CACNA1B: variants seen among roughly 807,000 people sequenced by gnomAD.
CACNA1B encodes calcium voltage-gated channel subunit alpha1 B, also known as voltage-dependent N-type calcium channel subunit alpha-1B.
A neutral mutation model predicts 247.2 loss-of-function variants in CACNA1B; 70 were observed. The ratio of observed to expected loss-of-function variants is 0.28; its 90% CI spans 0.23 to 0.35. The LOEUF (loss-of-function observed/expected upper bound fraction) is 0.35, where lower values mean the gene tolerates loss of function less well. Ranked by LOEUF, CACNA1B falls within the 10% of genes least tolerant of loss-of-function variation. CACNA1B has a pLI of 1.00. For synonymous variants in CACNA1B, 1,231 were observed against 1,294.4 expected (o/e 0.95, Z 1.05); for missense variants, 2,367 against 3,197.4 (o/e 0.74, Z 6.26).
chr9:138,117,087 T>C (rs1961893261), intron 42 of CACNA1B, among the ~76,000 whole-genome samples: 2 of 152,252 alleles, frequency 1.3e-5, no homozygotes, highest in Admixed American at 1.3e-4. Context: ...TCTTCAGTGT[T>C]TCACTGAATG....
At chr9:138,062,401 G>A (rs1959757774) in intron 31 of CACNA1B, among the ~76,000 whole-genome samples, 1 of 152,166 alleles carries the variant, frequency 6.6e-6, no homozygotes, top group Admixed American at 6.5e-5. Context: ...GGACGTCATT[G>A]GTCAACAGAG....
In CACNA1B at chr9:138,054,793, C is replaced by T. The variant is rs374651850; in HGVS notation, c.3968+787C>T. Among the ~76,000 whole-genome samples the T allele has an allele frequency of 1.3e-5, 2 of 152,204 alleles. No individual in the cohort carries two copies. Among genetic ancestry groups the T allele is most frequent in the East Asian group, 1.9e-4 (1 of 5,196 alleles). ...CACTCTCTCCAGCGTAGATGAGAGC[C>T]CCACATCCTAGCTAAATCTTGGTGT... On this transcript the variant is annotated intron_variant, in intron 26 of 46. Transcript: ENST00000371372. This position sits in a 1 kb window ranked among gnomAD's most constrained non-coding sequence, Gnocchi z 4.6.
At chr9:137,992,191 G>C (rs1020635405) in intron 15 of CACNA1B, among the ~76,000 whole-genome samples, 1 of 152,100 alleles carries the variant, frequency 6.6e-6, no homozygotes. Flanking sequence ...TGCTGTCTTC[G>C]GGAGACTCAC....
chr9:138,112,381 C>T lies in CACNA1B; in HGVS notation c.5429-17C>T. On this transcript the variant is annotated splice_polypyrimidine_tract_variant and intron_variant, in intron 39 of 46. Transcript: ENST00000371372. ...CATCTCTGTCTTTTCCCCTTCCCCA[C>T]CATCATCCTGGTGCAGCTGGGACAA... The T allele has an allele frequency of 1.9e-6, 3 of 1,591,066 alleles. No homozygotes were observed. Among genetic ancestry groups the T allele is most frequent in the East Asian group, 2.2e-5 (1 of 44,760 alleles).
At chr9:138,038,353 C>T (rs1959072812) in intron 20 of CACNA1B, among the ~76,000 whole-genome samples, 1 of 152,246 alleles carries the variant, frequency 6.6e-6, no homozygotes, top group Admixed American at 6.5e-5. Context: ...CTTCCTGTCC[C>T]CGATCTGGAA....
rs1259169807 is a variant in CACNA1B, at chr9:137,950,684, T to C, written c.967-1590T>C. On this transcript the variant is annotated intron_variant, in intron 6 of 46. Coordinates refer to ENST00000371372, the MANE Select transcript of CACNA1B (RefSeq NM_000718.4). This position sits in a 1 kb window ranked among gnomAD's most constrained non-coding sequence, Gnocchi z 4.8. Reference sequence around the variant, plus strand: ...CTTTTGCTGGTACTTTTTTTGGTCGTCTGTGCCCCTTGGGCATTTCCAAAT... The same window carrying C: ...CTTTTGCTGGTACTTTTTTTGGTCGCCTGTGCCCCTTGGGCATTTCCAAAT... Among the ~76,000 whole-genome samples, 1 of 152,194 alleles carries C rather than the reference T, an allele frequency of 6.6e-6. No individual in the cohort carries two copies. The highest frequency in any genetic ancestry group is 1.5e-5 in the Non-Finnish European group (1 of 68,036).
chr9:138,079,780 C>A (rs948050584), intron 36 of CACNA1B, among the ~76,000 whole-genome samples: 3 of 137,930 alleles, frequency 2.2e-5, no homozygotes, highest in South Asian at 2.3e-4. Context: ...GAGGCTGAGA[C>A]AGGAGACTCG....
chr9:137,989,714 G>C (rs2133386969), intron 15 of CACNA1B, among the ~76,000 whole-genome samples: 1 of 152,240 alleles, frequency 6.6e-6, no homozygotes, highest in African/African-American at 2.4e-5. Context: ...TTAAGCGTGA[G>C]GGCAGAGCTA....
At chr9:137,938,946 C>T (rs1353562589) in intron 6 of CACNA1B, among the ~76,000 whole-genome samples, 1 of 152,084 alleles carries the variant, frequency 6.6e-6, no homozygotes, top group East Asian at 1.9e-4. Context: ...TGGCAGGCTC[C>T]TGTAATCTCA....
chr9:138,059,556 C>A lies in CACNA1B; in HGVS notation c.4585-98C>A. On this transcript the variant is annotated intron_variant, in intron 30 of 46. Transcript: ENST00000371372. The surrounding 1 kb of genome is among the most constrained non-coding windows in gnomAD (Gnocchi z 4.2). ...TGCCCTGTGCTCAGGGTCTATCACCCTCACCGCTTTCTTAATCAGGGCCAC... is the reference window on the plus strand; with the variant it reads ...TGCCCTGTGCTCAGGGTCTATCACCATCACCGCTTTCTTAATCAGGGCCAC... 1.3e-6 allele frequency: 1 copy of A among 778,170 alleles called. No homozygotes were observed. The allele number at this position is 778,170 out of a possible 1,614,324, so 48.2% of individuals were successfully genotyped here. A position where few individuals can be genotyped will look rare whatever the true frequency, so the allele number is the denominator to read the frequency against.
chr9:138,112,248 C>G (rs1961664923), intron 39 of CACNA1B, 150 bp from the exon 40 acceptor site: 1 of 636,342 alleles, frequency 1.6e-6, no homozygotes. Flanking sequence ...GCGTTTGTTC[C>G]CACTGCACCC....
At chr9:137,970,252 T>C (rs1023047189) in intron 10 of CACNA1B, among the ~76,000 whole-genome samples, 2 of 152,178 alleles carry the variant, frequency 1.3e-5, no homozygotes, top group African/African-American at 4.8e-5. Context: ...GAGAGACCCA[T>C]GGCTGGGGCA....
chr9:138,065,953 T>C (rs1361059065), intron 31 of CACNA1B, among the ~76,000 whole-genome samples: 2 of 152,102 alleles, frequency 1.3e-5, no homozygotes, highest in Non-Finnish European at 2.9e-5. Flanking sequence ...CAGAGGAGAA[T>C]CTGTCCAGTG....
chr9:137,947,690 A>G (rs1160838582), intron 6 of CACNA1B, among the ~76,000 whole-genome samples: 1 of 152,114 alleles, frequency 6.6e-6, no homozygotes, highest in Middle Eastern at 3.4e-3. Flanking sequence ...GATTTCCCAA[A>G]GGATATTCTT....
At chr9:138,029,185 C>T (rs1475607287) in intron 20 of CACNA1B, among the ~76,000 whole-genome samples, 1 of 152,170 alleles carries the variant, frequency 6.6e-6, no homozygotes, top group Non-Finnish European at 1.5e-5. Flanking sequence ...TAAAACTTGG[C>T]AGTGCTCTAT....
intron 32 of CACNA1B, among the ~76,000 whole-genome samples, chr9:138,071,561 C>T (rs892069701): frequency 1.3e-5 from 2 of 152,176 alleles, no homozygotes; most frequent in African/African-American, 2.4e-5. Flanking sequence ...CCGTCTCCTG[C>T]CCCCAGCCTC....
intron 20 of CACNA1B, among the ~76,000 whole-genome samples, chr9:138,038,352 C>A (rs749382470): frequency 6.6e-6 from 1 of 152,188 alleles, no homozygotes; most frequent in Non-Finnish European, 1.5e-5. Flanking sequence ...ACTTCCTGTC[C>A]CCGATCTGGA....
chr9:137,984,327 C>A, intron 13 of CACNA1B, 77 bp downstream of exon 13: 2 of 1,014,372 alleles, frequency 2.0e-6, no homozygotes, highest in Non-Finnish European at 3.0e-6. Flanking sequence ...GGGTGCTTGT[C>A]CCCAGGAGTT....
chr9:138,093,569 TG>T (rs1960953140), intron 36 of CACNA1B, among the ~76,000 whole-genome samples: 1 of 151,788 alleles, frequency 6.6e-6, no homozygotes. Context: ...GGTGAAATTC[TG>T]GCTCTACTAA....
Sources: allele counts gnomAD v4.1 joint callset (sites outside exome capture counted in the v4.1 genomes callset), GRCh38; gene constraint gnomAD v4.1.1; non-coding constraint Gnocchi (gnomAD v3.1); transcripts MANE v1.5; gene names NCBI Gene and HGNC (gene_info 2026-07-23, HGNC 2026-07-21).